The following NDUFS6 variants were observed in gnomAD, a reference collection of about 807,000 sequenced individuals.
The protein encoded by NDUFS6 is NADH dehydrogenase [ubiquinone] iron-sulfur protein 6, mitochondrial.
In NDUFS6, 14 loss-of-function variants were observed where a neutral mutation model predicts 13.2. The observed-to-expected ratio is 1.06, with a 90% CI of 0.70 to 1.66. The LOEUF (loss-of-function observed/expected upper bound fraction) is 1.66, where lower values mean the gene tolerates loss of function less well. NDUFS6 is among the 40% of genes most tolerant of loss of function. NDUFS6 has a pLI of 0.00. For synonymous variants in NDUFS6, 95 were observed against 72.3 expected (o/e 1.31, Z -1.60); for missense variants, 206 against 170.8 (o/e 1.21, Z -1.15).
intron 2 of NDUFS6, among the ~76,000 whole-genome samples, chr5:1,810,459 G>A (rs1297671705): frequency 6.6e-6 from 1 of 152,124 alleles, no homozygotes; most frequent in Non-Finnish European, 1.5e-5. Flanking sequence ...TGTTCCCAGG[G>A]GCAGCTGAAA....
At position 1,814,702 on chromosome 5, in the gene NDUFS6, C is replaced by A; in HGVS notation, c.309+241C>A. ...TGGGCGGCATGTTTCTCTTCTCGGA[C>A]GCCCAAGCGTCTTTCCTCTCTGGGC... On this transcript the variant is annotated intron_variant, in intron 3 of 3. Transcript: ENST00000274137. The surrounding 1 kb of genome is among the most constrained non-coding windows in gnomAD (Gnocchi z 4.9). 1.4e-6 allele frequency: 1 copy of A among 726,128 alleles called. No individual in the cohort carries two copies. The highest frequency in any genetic ancestry group is 2.5e-6 in the Non-Finnish European group (1 of 406,698). 45.0% of individuals were successfully genotyped at this position (726,128 alleles called of 1,614,324 possible).
rs370446279 is a variant in NDUFS6, at chr5:1,814,360, G to C, written c.208G>C (p.Asp70His). The change falls in exon 3 of 4, where the codon GAT becomes CAT. Residue 70 changes from aspartate to histidine, a missense_variant. Coordinates refer to ENST00000274137, the MANE Select transcript of NDUFS6 (RefSeq NM_004553.6). This position sits in a 1 kb window ranked among gnomAD's most constrained non-coding sequence, Gnocchi z 4.9. ...QKEVNENFAI[D>H]LIAEQPVSEV... Reference sequence around the variant, plus strand: ...CCAGGTGAATGAAAACTTTGCCATTGATTTGATAGCAGAGCAGCCCGTGAG... The same window carrying C: ...CCAGGTGAATGAAAACTTTGCCATTCATTTGATAGCAGAGCAGCCCGTGAG... 1 of 1,614,112 alleles carries C rather than the reference G, an allele frequency of 6.2e-7. No homozygotes were observed. The highest frequency in any genetic ancestry group is 1.3e-5 in the African/African-American group (1 of 74,928).
chr5:1,810,200 C>T (rs1734197423), intron 2 of NDUFS6, among the ~76,000 whole-genome samples: 1 of 152,158 alleles, frequency 6.6e-6, no homozygotes, highest in African/African-American at 2.4e-5. Context: ...AGAAGGAGCA[C>T]AAAGTTTCAG....
intron 2 of NDUFS6, among the ~76,000 whole-genome samples, chr5:1,806,421 T>G (rs894475898): frequency 5.3e-5 from 8 of 152,174 alleles, no homozygotes; most frequent in African/African-American, 1.9e-4. Flanking sequence ...TGAGTCCAGT[T>G]GTGACCCTGT....
At position 1,802,307 on chromosome 5, in the gene NDUFS6, T is replaced by C. The variant is rs1249892589; in HGVS notation, c.133-14T>C. ...GCCGTAAAAGTCACACATGGTCTTT[T>C]TGTTTTTTTCCAGGTTTATGATGAT... is the stretch of plus-strand genomic sequence containing the variant. On this transcript the variant is annotated splice_polypyrimidine_tract_variant and intron_variant, in intron 1 of 3. Coordinates refer to ENST00000274137, the MANE Select transcript of NDUFS6 (RefSeq NM_004553.6). 1 of 1,613,364 alleles carries C rather than the reference T, an allele frequency of 6.2e-7. No individual in the cohort carries two copies. Among genetic ancestry groups the C allele is most frequent in the Non-Finnish European group, 8.5e-7 (1 of 1,179,432 alleles).
At chr5:1,808,704 G>A (rs1734165426) in intron 2 of NDUFS6, among the ~76,000 whole-genome samples, 1 of 152,200 alleles carries the variant, frequency 6.6e-6, no homozygotes, top group Non-Finnish European at 1.5e-5. Context: ...GTTTGAACAT[G>A]TTGTACAGAC....
intron 1 of NDUFS6, chr5:1,802,067 GTC>G (rs1374670119): frequency 2.0e-6 from 1 of 508,984 alleles, no homozygotes; most frequent in Non-Finnish European, 3.5e-6. Flanking sequence ...GTCAGGATTT[GTC>G]TCTCCTCCTT....
rs555773100 is a variant in NDUFS6, at chr5:1,806,239, C to T, written c.186+3865C>T. 2.6e-4 allele frequency among the ~76,000 whole-genome samples: 40 copies of T among 152,346 alleles called. 2 individuals carry two copies. In the South Asian group the frequency reaches 8.3e-3, roughly 32 times the overall value. ...CCTCTCCACCTGTGTGTGTCAGGATCACGGAACAGCTGGGGGCTTCAGCTT... is the reference window on the plus strand; with the variant it reads ...CCTCTCCACCTGTGTGTGTCAGGATTACGGAACAGCTGGGGGCTTCAGCTT... On this transcript the variant is annotated intron_variant, in intron 2 of 3. Coordinates refer to ENST00000274137, the MANE Select transcript of NDUFS6 (RefSeq NM_004553.6).
intron 2 of NDUFS6, among the ~76,000 whole-genome samples, chr5:1,806,697 G>T (rs1480874405): frequency 6.6e-6 from 1 of 152,198 alleles, no homozygotes; most frequent in Non-Finnish European, 1.5e-5. Context: ...GAAACTTTGT[G>T]CCTTGCTGCT....
chr5:1,802,406 CT>C, intron 2 of NDUFS6, 32 bp downstream of exon 2: 1 of 1,588,316 alleles, frequency 6.3e-7, no homozygotes, highest in Non-Finnish European at 8.6e-7. Context: ...GAGAGGTAAG[CT>C]TTCCTAAAAC....
chr5:1,806,511 C>T (rs1299472329), intron 2 of NDUFS6, among the ~76,000 whole-genome samples: 1 of 152,208 alleles, frequency 6.6e-6, no homozygotes, highest in African/African-American at 2.4e-5. Flanking sequence ...AGCAGTTGCA[C>T]GCGGTGCAAA....
intron 2 of NDUFS6, among the ~76,000 whole-genome samples, chr5:1,805,876 C>T (rs950397069): frequency 1.3e-5 from 2 of 152,028 alleles, no homozygotes; most frequent in Non-Finnish European, 2.9e-5. Context: ...TGCCTGGCCG[C>T]ATCCGGATTC....
rs1454421774 is a variant in NDUFS6 at position 1,814,722 on chromosome 5, C to A, written c.309+261C>A. 4.2e-6 allele frequency: 3 copies of A among 707,764 alleles called. No homozygotes were observed. The highest frequency in any genetic ancestry group is 3.5e-5 in the African/African-American group (2 of 57,272). 43.8% of individuals were successfully genotyped at this position (707,764 alleles called of 1,614,324 possible). On this transcript the variant is annotated intron_variant, in intron 3 of 3. Coordinates refer to ENST00000274137, the MANE Select transcript of NDUFS6 (RefSeq NM_004553.6). This position sits in a 1 kb window ranked among gnomAD's most constrained non-coding sequence, Gnocchi z 4.9. ...TCGGACGCCCAAGCGTCTTTCCTCT[C>A]TGGGCCCTTCTCGGTTTGGTCATCA...
intron 2 of NDUFS6, among the ~76,000 whole-genome samples, chr5:1,809,132 GATC>G (rs1199894932): frequency 6.6e-6 from 1 of 152,190 alleles, no homozygotes. Context: ...CCAATCATTT[GATC>G]ATCAAGAGGT....
In NDUFS6 at chr5:1,813,357, T is replaced by C. The variant is rs141462598; in HGVS notation, c.187-982T>C. On this transcript the variant is annotated intron_variant, in intron 2 of 3. Transcript: ENST00000274137. ...TAACTTTGAAAAATATAAAATATAGTCTCAGTCAGATTTATAAAACTTGGA... is the reference window on the plus strand; with the variant it reads ...TAACTTTGAAAAATATAAAATATAGCCTCAGTCAGATTTATAAAACTTGGA... 1.9e-4 allele frequency among the ~76,000 whole-genome samples: 29 copies of C among 152,368 alleles called. No individual in the cohort carries two copies. In the East Asian group the frequency reaches 4.6e-3, roughly 24 times the overall value.
chr5:1,807,467 G>T (rs563050476), intron 2 of NDUFS6, among the ~76,000 whole-genome samples: 6 of 152,300 alleles, frequency 3.9e-5, no homozygotes, highest in African/African-American at 1.4e-4. Flanking sequence ...AAAATTAAGA[G>T]GGAAGTGGCT....
intron 2 of NDUFS6, among the ~76,000 whole-genome samples, chr5:1,813,074 G>A (rs907185285): frequency 3.9e-5 from 6 of 152,130 alleles, no homozygotes; most frequent in African/African-American, 1.4e-4. Flanking sequence ...GAAAGGGTGT[G>A]TGTGAACATC....
intron 2 of NDUFS6, among the ~76,000 whole-genome samples, chr5:1,809,166 A>AT (rs1201425012): frequency 2.0e-5 from 3 of 151,828 alleles, no homozygotes; most frequent in Admixed American, 6.6e-5. Context: ...AGTGTTTCCT[A>AT]TTTTTTACAT....
chr5:1,805,826 C>T (rs1017475788), intron 2 of NDUFS6, among the ~76,000 whole-genome samples: 10 of 152,326 alleles, frequency 6.6e-5, no homozygotes, highest in Middle Eastern at 3.4e-3. Flanking sequence ...AGGTACTTGG[C>T]GACATCATTT....
Sources: gnomAD v4.1 joint callset for allele counts (sites outside exome capture counted in the v4.1 genomes callset) on GRCh38, gnomAD v4.1.1 for gene constraint, Gnocchi (gnomAD v3.1) non-coding constraint, MANE v1.5 for transcripts, NCBI Gene and HGNC (gene_info 2026-07-23, HGNC 2026-07-21) for gene names.